The following ZNF804A variants were observed in gnomAD, a reference collection of about 807,000 sequenced individuals.
ZNF804A encodes zinc finger protein 804A.
ZNF804A carries 2 observed loss-of-function variants against 16.5 expected under a neutral mutation model. That is an observed-to-expected ratio of 0.12 (90% confidence interval 0.05 to 0.38). The LOEUF is 0.38. Ranked by LOEUF, ZNF804A falls within the 10% of genes least tolerant of loss-of-function variation. The pLI, the probability that ZNF804A is intolerant of heterozygous loss-of-function variation, is 0.99. For missense variants in ZNF804A, 1,473 were observed against 1,390.7 expected, an observed-to-expected ratio of 1.06 and a Z score of -0.94; for synonymous variants, 534 against 489.6, an observed-to-expected ratio of 1.09 and a Z score of -1.20.
intron 1 of ZNF804A, among the ~76,000 whole-genome samples, chr2:184,718,989 G>A (rs953149832): frequency 6.6e-6 from 1 of 152,202 alleles, no homozygotes; most frequent in Non-Finnish European, 1.5e-5. Flanking sequence ...CACTGCCCTA[G>A]TAGAGGTTCT....
chr2:184,830,075 G>A (rs1695238065), intron 1 of ZNF804A, among the ~76,000 whole-genome samples: 1 of 150,688 alleles, frequency 6.6e-6, no homozygotes, highest in African/African-American at 2.4e-5. Flanking sequence ...TAGCCTGGGT[G>A]CCAGGGCAAG....
At chr2:184,720,435 A>G (rs2105741980) in intron 1 of ZNF804A, among the ~76,000 whole-genome samples, 1 of 151,702 alleles carries the variant, frequency 6.6e-6, no homozygotes, top group South Asian at 2.1e-4. Context: ...TCAACATACA[A>G]AAACCAGTAA....
chr2:184,665,629 G>C (rs1231148301), intron 1 of ZNF804A, among the ~76,000 whole-genome samples: 1 of 152,206 alleles, frequency 6.6e-6, no homozygotes. Flanking sequence ...CAAGGTATCA[G>C]AATGGGTCAG....
At position 184,938,161 on chromosome 2, in the gene ZNF804A, G is replaced by C. The variant is rs1276949698; in HGVS notation, c.2765G>C (p.Ser922Thr). Residue 922 changes from serine (S) to threonine (T), a missense_variant, in exon 4 of 4, where the codon AGT (serine) becomes ACT (threonine). By Grantham distance (58) the Ser-to-Thr change is moderately conservative (BLOSUM62 1). Coordinates refer to ENST00000302277, the MANE Select transcript of ZNF804A (RefSeq NM_194250.2). ...NDPTTSVCVA[S>T]APTKEAIDNT... is the part of the protein sequence containing the mutation. ...CCCACCACATCTGTCTGTGTAGCTA[G>C]TGCCCCAACAAAAGAAGCAATTGAC... The C allele has an allele frequency of 6.2e-7, 1 of 1,614,066 alleles. No homozygotes were observed.
intron 2 of ZNF804A, among the ~76,000 whole-genome samples, chr2:184,926,725 C>G (rs986601082): frequency 6.6e-6 from 1 of 152,050 alleles, no homozygotes; most frequent in African/African-American, 2.4e-5. Flanking sequence ...CCTCTGACTT[C>G]GTGTTTTTAA....
At chr2:184,600,134 G>A (rs540661126) in intron 1 of ZNF804A, among the ~76,000 whole-genome samples, 1 of 152,058 alleles carries the variant, frequency 6.6e-6, no homozygotes, top group East Asian at 1.9e-4. Context: ...GAAGTTTAAG[G>A]ACAGACTCAA....
intron 1 of ZNF804A, among the ~76,000 whole-genome samples, chr2:184,769,858 A>G (rs888954114): frequency 1.3e-5 from 2 of 152,118 alleles, no homozygotes; most frequent in South Asian, 2.1e-4. Flanking sequence ...GTAAGATATC[A>G]TTATTAACAA....
At chr2:184,660,071 A>T (rs1472448375) in intron 1 of ZNF804A, among the ~76,000 whole-genome samples, 1 of 152,202 alleles carries the variant, frequency 6.6e-6, no homozygotes. Flanking sequence ...TGATCTTGCC[A>T]CTGCACTCCA....
chr2:184,914,653 T>A (rs1350484971), intron 2 of ZNF804A, among the ~76,000 whole-genome samples: 1 of 152,164 alleles, frequency 6.6e-6, no homozygotes, highest in Non-Finnish European at 1.5e-5. Context: ...CTTGCTAAAC[T>A]GTTACAATTA....
intron 2 of ZNF804A, among the ~76,000 whole-genome samples, chr2:184,899,103 G>C (rs538257479): frequency 6.6e-6 from 1 of 151,918 alleles, no homozygotes; most frequent in South Asian, 2.1e-4. Flanking sequence ...TCAAGGATTT[G>C]ACTTAATATA....
chr2:184,756,068 C>A (rs1467729616), intron 1 of ZNF804A, among the ~76,000 whole-genome samples: 2 of 151,944 alleles, frequency 1.3e-5, no homozygotes, highest in Non-Finnish European at 2.9e-5. Flanking sequence ...AGGAAATACC[C>A]TGAAGCTATA....
At chr2:184,638,026 C>T (rs1691728225) in intron 1 of ZNF804A, among the ~76,000 whole-genome samples, 1 of 152,058 alleles carries the variant, frequency 6.6e-6, no homozygotes, top group South Asian at 2.1e-4. Flanking sequence ...AAGAACCTTC[C>T]CCTTGTCTGA....
At chr2:184,690,872 T>A (rs930503543) in intron 1 of ZNF804A, among the ~76,000 whole-genome samples, 1 of 152,016 alleles carries the variant, frequency 6.6e-6, no homozygotes, top group African/African-American at 2.4e-5. Context: ...GACCATAATA[T>A]GTGAACAGGT....
At position 184,923,764 on chromosome 2, in the gene ZNF804A, T is replaced by C. The variant is rs184850071; in HGVS notation, c.256-9839T>C. ...TTTGAGGGCTTTTGTCAGAAAGAGA[T>C]GTTCAATTTTATCAAACACTTTTTC... On this transcript the variant is annotated intron_variant, in intron 2 of 3. Transcript: ENST00000302277. Among the ~76,000 whole-genome samples the C allele has an allele frequency of 1.8e-3, 272 of 152,146 alleles. 3 individuals carry two copies. The Middle Eastern group carries it at 0.041, about 23-fold the overall frequency.
intron 1 of ZNF804A, among the ~76,000 whole-genome samples, chr2:184,826,696 T>G (rs1378837812): frequency 6.6e-6 from 1 of 152,126 alleles, no homozygotes; most frequent in Non-Finnish European, 1.5e-5. Flanking sequence ...GTTGATTACT[T>G]ATTTGAAGTT....
intron 1 of ZNF804A, among the ~76,000 whole-genome samples, chr2:184,823,835 C>T (rs1380607086): frequency 6.6e-6 from 1 of 152,074 alleles, no homozygotes; most frequent in Non-Finnish European, 1.5e-5. Flanking sequence ...TGGGAAATTA[C>T]ATCCTGAAAT....
intron 1 of ZNF804A, among the ~76,000 whole-genome samples, chr2:184,742,403 C>G (rs1004655518): frequency 6.6e-5 from 10 of 151,968 alleles, no homozygotes; most frequent in Admixed American, 3.9e-4. Flanking sequence ...TACCTGACAG[C>G]TGCCTTTGAA....
At chr2:184,802,011 C>T (rs1049806672) in intron 1 of ZNF804A, among the ~76,000 whole-genome samples, 5 of 152,056 alleles carry the variant, frequency 3.3e-5, no homozygotes, top group African/African-American at 4.8e-5. Context: ...CCCTGTTGTC[C>T]GGGGGCTTGC....
chr2:184,733,323 A>T (rs1693550759), intron 1 of ZNF804A, among the ~76,000 whole-genome samples: 1 of 152,124 alleles, frequency 6.6e-6, no homozygotes, highest in African/African-American at 2.4e-5. Flanking sequence ...GATGTAATAG[A>T]TTACATTAAT....
Sources: gnomAD v4.1 joint callset for allele counts (sites outside exome capture counted in the v4.1 genomes callset) on GRCh38, gnomAD v4.1.1 for gene constraint, MANE v1.5 for transcripts, NCBI Gene and HGNC (gene_info 2026-07-23, HGNC 2026-07-21) for gene names.